LIPC: variants seen among roughly 807,000 people sequenced by gnomAD.
The protein encoded by LIPC is lipase C, hepatic type.
LIPC carries 44 observed loss-of-function variants against 50.7 expected under a neutral mutation model. That is an observed-to-expected ratio of 0.87 (90% confidence interval 0.68 to 1.11). The LOEUF is 1.11. LIPC is among the 50% of genes most tolerant of loss of function. LIPC has a pLI of 0.00. For synonymous variants in LIPC, 271 were observed against 256.4 expected, an observed-to-expected ratio of 1.06 and a Z score of -0.54; for missense variants, 697 against 648.2, an observed-to-expected ratio of 1.08 and a Z score of -0.82.
intron 6 of LIPC, among the ~76,000 whole-genome samples, chr15:58,553,858 G>A (rs979948291): frequency 1.3e-5 from 2 of 152,108 alleles, no homozygotes; most frequent in Non-Finnish European, 2.9e-5. Context: ...ACACCATCCT[G>A]GGCCCCTCAA....
chr15:58,509,172 A>C (rs1892255768), intron 1 of LIPC, among the ~76,000 whole-genome samples: 1 of 152,252 alleles, frequency 6.6e-6, no homozygotes, highest in Non-Finnish European at 1.5e-5. Flanking sequence ...TGGGAAATAC[A>C]TCAATCCACT....
intron 1 of LIPC, among the ~76,000 whole-genome samples, chr15:58,478,447 C>T (rs1169532667): frequency 6.6e-6 from 1 of 152,120 alleles, no homozygotes; most frequent in Non-Finnish European, 1.5e-5. Flanking sequence ...ACATGTTGGC[C>T]AGGCTGGTCT....
At chr15:58,482,474 C>G (rs1891220489) in intron 1 of LIPC, among the ~76,000 whole-genome samples, 1 of 152,126 alleles carries the variant, frequency 6.6e-6, no homozygotes, top group Middle Eastern at 3.2e-3. Flanking sequence ...AATAGTTGAC[C>G]TAACCTCTCT....
At chr15:58,481,612 G>A (rs762582987) in intron 1 of LIPC, among the ~76,000 whole-genome samples, 78 of 152,120 alleles carry the variant, frequency 5.1e-4, no homozygotes, top group Non-Finnish European at 1.9e-4. Context: ...AGACCAGCTT[G>A]GCCAACATGG....
At chr15:58,559,196 G>A (rs1010074436) in intron 6 of LIPC, among the ~76,000 whole-genome samples, 4 of 152,282 alleles carry the variant, frequency 2.6e-5, no homozygotes, top group South Asian at 2.1e-4. Flanking sequence ...GCTAGTTACC[G>A]TGATCTAATT....
At chr15:58,507,023 G>C (rs1455845829) in intron 1 of LIPC, among the ~76,000 whole-genome samples, 1 of 152,146 alleles carries the variant, frequency 6.6e-6, no homozygotes, top group Admixed American at 6.5e-5. Context: ...ATCAGATCTC[G>C]TGAGAACTCA....
rs185965793 is a variant in LIPC at position 58,541,281 on chromosome 15, C to T, written c.274-504C>T. Among the ~76,000 whole-genome samples, 26 of 152,198 alleles carry T rather than the reference C, an allele frequency of 1.7e-4. No homozygotes were observed. The East Asian group carries it at 3.1e-3, about 18-fold the overall frequency. ...TATGTCAGGCTCACAGTGCCCATCC[C>T]GCTAAGTCCAGCATAACGCAGTCTG... is the stretch of plus-strand genomic sequence containing the variant. On this transcript the variant is annotated intron_variant, in intron 2 of 8. Coordinates refer to ENST00000299022, the MANE Select transcript of LIPC (RefSeq NM_000236.3).
chr15:58,508,602 A>G (rs1892234108), intron 1 of LIPC, among the ~76,000 whole-genome samples: 1 of 152,206 alleles, frequency 6.6e-6, no homozygotes, highest in African/African-American at 2.4e-5. Context: ...TAATATGGGA[A>G]CATTTGGATG....
In LIPC at chr15:58,469,102, TTGTGTGTGTG is replaced by T. The variant is rs56309142; in HGVS notation, c.88+37014_88+37023del. On this transcript the variant is annotated intron_variant, in intron 1 of 8. Coordinates refer to ENST00000299022, the MANE Select transcript of LIPC (RefSeq NM_000236.3). Reference sequence around the variant, plus strand: ...AACTTAAACGGCTTCAGGGAACATTTTGTGTGTGTGTGTGTGTGTGTGTGTGTGTGTGTGT... The same window carrying T: ...AACTTAAACGGCTTCAGGGAACATTTTGTGTGTGTGTGTGTGTGTGTGTGT... 2.4e-3 allele frequency among the ~76,000 whole-genome samples: 338 copies of T among 140,714 alleles called. 3 individuals are homozygous for T. The highest frequency in any genetic ancestry group is 7.6e-3 in the African/African-American group (285 of 37,570). The allele number at this position is 140,714 out of a possible 152,430, so 92.3% of individuals were successfully genotyped here.
At chr15:58,449,897 A>G (rs1893841462) in intron 1 of LIPC, among the ~76,000 whole-genome samples, 1 of 152,020 alleles carries the variant, frequency 6.6e-6, no homozygotes, top group Non-Finnish European at 1.5e-5. Flanking sequence ...ATTCCACTCC[A>G]TTCTGCTTTG....
intron 1 of LIPC, among the ~76,000 whole-genome samples, chr15:58,506,835 C>G (rs1182553671): frequency 6.6e-6 from 1 of 152,112 alleles, no homozygotes; most frequent in Non-Finnish European, 1.5e-5. Context: ...TGAGAAATAC[C>G]CGAGACTAGG....
At chr15:58,506,142 A>C (rs1892141692) in intron 1 of LIPC, among the ~76,000 whole-genome samples, 2 of 152,036 alleles carry the variant, frequency 1.3e-5, no homozygotes, top group South Asian at 4.2e-4. Flanking sequence ...TCTTGTCTCA[A>C]ACACACACCT....
chr15:58,548,871 G>A (rs183078951), intron 6 of LIPC, among the ~76,000 whole-genome samples: 52 of 152,270 alleles, frequency 3.4e-4, no homozygotes, highest in Admixed American at 8.5e-4. Context: ...AAGGCCACAC[G>A]CAGTTTACCT....
At chr15:58,463,002 TC>T (rs1337118000) in intron 1 of LIPC, among the ~76,000 whole-genome samples, 2 of 152,208 alleles carry the variant, frequency 1.3e-5, no homozygotes, top group African/African-American at 4.8e-5. Flanking sequence ...CCTTTTGAAG[TC>T]CTTGTAAAAG....
At chr15:58,517,451 C>T (rs1892517971) in intron 1 of LIPC, among the ~76,000 whole-genome samples, 1 of 152,268 alleles carries the variant, frequency 6.6e-6, no homozygotes, top group East Asian at 1.9e-4. Context: ...ACTTTCAGTG[C>T]TAAAAAGGCC....
At chr15:58,485,519 G>A (rs1440593079) in intron 1 of LIPC, among the ~76,000 whole-genome samples, 1 of 133,512 alleles carries the variant, frequency 7.5e-6, no homozygotes, top group Non-Finnish European at 1.7e-5. Flanking sequence ...CGCACGTGCT[G>A]ATCTCGGGCT....
At chr15:58,506,701 G>T (rs1457213337) in intron 1 of LIPC, among the ~76,000 whole-genome samples, 1 of 152,180 alleles carries the variant, frequency 6.6e-6, no homozygotes, top group Non-Finnish European at 1.5e-5. Flanking sequence ...TCTATTCAAA[G>T]CTGGCTGTGT....
intron 1 of LIPC, among the ~76,000 whole-genome samples, chr15:58,499,871 T>C (rs1430058660): frequency 3.3e-5 from 5 of 152,150 alleles, no homozygotes; most frequent in Admixed American, 2.6e-4. Flanking sequence ...GTGGTCACGG[T>C]GTCCTAGGCA....
intron 1 of LIPC, among the ~76,000 whole-genome samples, chr15:58,484,284 T>C (rs1331968396): frequency 6.6e-6 from 1 of 152,236 alleles, no homozygotes; most frequent in Non-Finnish European, 1.5e-5. Context: ...CACTGTGTGC[T>C]AGGCACCCTT....
Sources: allele counts gnomAD v4.1 joint callset (sites outside exome capture counted in the v4.1 genomes callset), GRCh38; gene constraint gnomAD v4.1.1; transcripts MANE v1.5; gene names NCBI Gene and HGNC (gene_info 2026-07-23, HGNC 2026-07-21).